Variants in ARHGAP26 observed in about 807,000 individuals in gnomAD.
ARHGAP26 encodes Rho GTPase activating protein 26, also known as rho GTPase-activating protein 26.
A neutral mutation model predicts 104.8 loss-of-function variants in ARHGAP26; 38 were observed. The ratio of observed to expected loss-of-function variants is 0.36; its 90% confidence interval spans 0.28 to 0.48. The LOEUF (loss-of-function observed/expected upper bound fraction) is 0.48, where lower values mean the gene tolerates loss of function less well. Ranked by LOEUF, ARHGAP26 falls within the 20% of genes least tolerant of loss-of-function variation. The pLI is 0.99. For synonymous variants in ARHGAP26, 341 were observed against 340.0 expected, an observed-to-expected ratio of 1.00 and a Z score of -0.03; for missense variants, 704 against 947.9, an observed-to-expected ratio of 0.74 and a Z score of 3.38.
chr5:143,194,471 G>A (rs1806469270), intron 20 of ARHGAP26, among the ~76,000 whole-genome samples: 1 of 152,078 alleles, frequency 6.6e-6, no homozygotes, highest in South Asian at 2.1e-4. Context: ...ACCAAGAATA[G>A]TTCTCTTAAG....
chr5:142,965,108 A>G (rs1328011740), intron 11 of ARHGAP26, among the ~76,000 whole-genome samples: 3 of 152,190 alleles, frequency 2.0e-5, no homozygotes, highest in Non-Finnish European at 4.4e-5. Flanking sequence ...TTATGCCATT[A>G]TTTCTGCATA....
intron 19 of ARHGAP26, among the ~76,000 whole-genome samples, chr5:143,143,805 C>G (rs1429720269): frequency 6.6e-6 from 1 of 152,206 alleles, no homozygotes; most frequent in Admixed American, 6.5e-5. Context: ...TGTCCCTGCC[C>G]TCGGGTAGTT....
At chr5:143,114,519 C>T (rs538344212) in intron 17 of ARHGAP26, among the ~76,000 whole-genome samples, 259 of 152,294 alleles carry the variant, frequency 1.7e-3, no homozygotes, top group Admixed American at 3.2e-3. Flanking sequence ...GTCTGGTTAG[C>T]CACAAAAAAG....
At chr5:143,150,448 G>A (rs773517604) in intron 20 of ARHGAP26, among the ~76,000 whole-genome samples, 9 of 152,166 alleles carry the variant, frequency 5.9e-5, no homozygotes, top group Non-Finnish European at 8.8e-5. Flanking sequence ...ACACTAGGTC[G>A]AAGTAGTGGA....
At chr5:143,111,960 A>T (rs998475553) in intron 17 of ARHGAP26, among the ~76,000 whole-genome samples, 4 of 151,408 alleles carry the variant, frequency 2.6e-5, no homozygotes, top group Admixed American at 2.6e-4. Context: ...CTGAGCCTTG[A>T]CACACTTAGA....
intron 11 of ARHGAP26, among the ~76,000 whole-genome samples, chr5:143,004,106 G>A (rs1410947449): frequency 1.3e-5 from 2 of 151,560 alleles, no homozygotes; most frequent in Non-Finnish European, 2.9e-5. Flanking sequence ...CTTGGTGTTT[G>A]CCTTATTTGA....
intron 20 of ARHGAP26, among the ~76,000 whole-genome samples, chr5:143,205,582 A>G (rs970821752): frequency 7.2e-5 from 11 of 152,224 alleles, no homozygotes; most frequent in Non-Finnish European, 1.6e-4. Flanking sequence ...GTCTGTAAAG[A>G]AGCTTGGCAC....
At chr5:142,910,004 G>T (rs941090730) in intron 9 of ARHGAP26, among the ~76,000 whole-genome samples, 1 of 152,156 alleles carries the variant, frequency 6.6e-6, no homozygotes, top group African/African-American at 2.4e-5. Context: ...CATGTCATTG[G>T]GTAGTGAAGA....
chr5:142,957,160 A>T (rs1769391925), intron 11 of ARHGAP26, among the ~76,000 whole-genome samples: 1 of 152,298 alleles, frequency 6.6e-6, no homozygotes, highest in Admixed American at 6.5e-5. Flanking sequence ...GAATCAAAAG[A>T]ATGAGGATGG....
At chr5:143,045,035 G>A (rs1255075443) in intron 14 of ARHGAP26, among the ~76,000 whole-genome samples, 1 of 152,138 alleles carries the variant, frequency 6.6e-6, no homozygotes, top group East Asian at 1.9e-4. Context: ...TTTTAGACTG[G>A]TTTGCTAATC....
chr5:143,190,481 A>G (rs1805780100), intron 20 of ARHGAP26, among the ~76,000 whole-genome samples: 1 of 152,150 alleles, frequency 6.6e-6, no homozygotes, highest in Admixed American at 6.5e-5. Flanking sequence ...GAAGTGCTTA[A>G]GGAAAAAACA....
chr5:142,841,534 T>G (rs1182537844), intron 1 of ARHGAP26, among the ~76,000 whole-genome samples: 1 of 152,100 alleles, frequency 6.6e-6, no homozygotes, highest in African/African-American at 2.4e-5. Flanking sequence ...TAGCTGGAGG[T>G]GACTGTTTAG....
chr5:142,851,204 T>A (rs1751447344), intron 1 of ARHGAP26, among the ~76,000 whole-genome samples: 2 of 151,982 alleles, frequency 1.3e-5, no homozygotes, highest in African/African-American at 4.8e-5. Flanking sequence ...TAAAGCGATT[T>A]TTCTGCCTCA....
At chr5:143,004,385 C>G (rs1189401750) in intron 11 of ARHGAP26, among the ~76,000 whole-genome samples, 4 of 152,170 alleles carry the variant, frequency 2.6e-5, no homozygotes, top group Non-Finnish European at 5.9e-5. Flanking sequence ...TCAACTTCAT[C>G]CAAATCCATT....
intron 17 of ARHGAP26, among the ~76,000 whole-genome samples, chr5:143,084,544 C>A (rs1206275893): frequency 6.6e-6 from 1 of 152,178 alleles, no homozygotes; most frequent in East Asian, 1.9e-4. Context: ...CAAAAGGGAG[C>A]CCTGCCCTTT....
chr5:143,210,179 C>T (rs931337791), intron 21 of ARHGAP26, among the ~76,000 whole-genome samples: 5 of 152,100 alleles, frequency 3.3e-5, no homozygotes. Flanking sequence ...ACTTGCAGTT[C>T]CACGTGGCTG....
chr5:142,992,438 T>A (rs569566364), intron 11 of ARHGAP26, among the ~76,000 whole-genome samples: 230 of 151,168 alleles, frequency 1.5e-3, no homozygotes, highest in Middle Eastern at 3.4e-3. Flanking sequence ...ATTTTATTTT[T>A]TATTTTTTTT....
chr5:143,017,996 C>G (rs756653777), intron 12 of ARHGAP26, among the ~76,000 whole-genome samples: 3 of 152,186 alleles, frequency 2.0e-5, no homozygotes, highest in Non-Finnish European at 4.4e-5. Flanking sequence ...CCATTCCTGC[C>G]AACTCTCACC....
intron 1 of ARHGAP26, among the ~76,000 whole-genome samples, chr5:142,863,077 A>T (rs914291348): frequency 6.6e-6 from 1 of 151,730 alleles, no homozygotes; most frequent in African/African-American, 2.4e-5. Context: ...AGCTACGGAA[A>T]GGGGTTGGCT....
Sources: allele counts gnomAD v4.1 joint callset (sites outside exome capture counted in the v4.1 genomes callset), GRCh38; gene constraint gnomAD v4.1.1; transcripts MANE v1.5; gene names NCBI Gene and HGNC (gene_info 2026-07-23, HGNC 2026-07-21).